The following SELENON variants were observed in gnomAD, a reference collection of about 807,000 sequenced individuals.
SELENON encodes selenoprotein N.
Under a neutral mutation model 59.5 loss-of-function variants are expected in SELENON, and 44 were observed. The observed-to-expected ratio is 0.74, with a 90% CI of 0.58 to 0.95. The LOEUF (loss-of-function observed/expected upper bound fraction) is 0.95. SELENON is among the 40% of genes least tolerant of loss of function. The pLI is 0.00. For synonymous variants in SELENON, 320 were observed against 305.6 expected (o/e 1.05, Z -0.49); for missense variants, 674 against 721.4 (o/e 0.93, Z 0.75).
chr1:25,812,804 G>T lies in SELENON; in HGVS notation c.1387+12G>T. 6.3e-7 allele frequency: 1 copy of T among 1,596,952 alleles called. No individual in the cohort carries two copies. The highest frequency in any genetic ancestry group is 8.6e-7 in the Non-Finnish European group (1 of 1,166,872). ...CCAGTCCTGCTGAGGTGAGGGGCCC[G>T]GCTGGATCTAAGGGGAGCAGTGGGA... On this transcript the variant is annotated intron_variant, in intron 10 of 12. Transcript: ENST00000361547.
chr1:25,815,021 G>C (rs1296204463), intron 12 of SELENON, among the ~76,000 whole-genome samples: 1 of 152,034 alleles, frequency 6.6e-6, no homozygotes, highest in African/African-American at 2.4e-5. Context: ...GGCCTGGTTG[G>C]GAGAACCAGG....
chr1:25,802,890 T>C (rs1295104571), intron 3 of SELENON, among the ~76,000 whole-genome samples: 4 of 152,186 alleles, frequency 2.6e-5, no homozygotes, highest in Non-Finnish European at 4.4e-5. Flanking sequence ...AAGTCAGTCA[T>C]TGATGGGAAA....
chr1:25,806,160 G>T (rs999283086), intron 4 of SELENON, among the ~76,000 whole-genome samples: 2 of 152,230 alleles, frequency 1.3e-5, no homozygotes, highest in Admixed American at 6.5e-5. Context: ...GTGCCAGGCT[G>T]GTCACTGAGG....
Position 25,809,767 on chromosome 1 carries a change from C to T in SELENON, c.957C>T (p.Leu319=), listed in dbSNP as rs377537585. Residue 319 remains leucine (L), a synonymous_variant, in exon 7 of 13, where the codon CTC becomes CTT. Transcript: ENST00000361547. The stretch of plus-strand genomic sequence containing the variant: ...CTCAGTTCACCGGCCACATCATCCT[C>T]TCCAAAGACGCCACCCACGTCCGCG... 3 of 1,614,036 alleles carry T rather than the reference C, an allele frequency of 1.9e-6. No homozygotes were observed. The highest frequency in any genetic ancestry group is 2.5e-6 in the Non-Finnish European group (3 of 1,180,050).
rs184807941 is a variant in SELENON, at chr1:25,815,985, C to A, written c.*267C>A. 4.3e-4 allele frequency: 212 copies of A among 495,444 alleles called. 2 individuals are homozygous for A. The highest frequency in any genetic ancestry group is 3.1e-3 in the African/African-American group (159 of 51,606). The allele number at this position is 495,444 out of a possible 1,614,324, so 30.7% of individuals were successfully genotyped here. On this transcript the variant is annotated 3_prime_UTR_variant, in exon 13 of 13. Transcript: ENST00000361547. Reference sequence around the variant, plus strand: ...CATTTGGCTCTGGAAGCTGCTTGGCCCCCCCAGATCAGGGCCTGGGTGAAC... The same window carrying A: ...CATTTGGCTCTGGAAGCTGCTTGGCACCCCCAGATCAGGGCCTGGGTGAAC...
chr1:25,813,945 G>A lies in SELENON; in HGVS notation c.1452G>A (p.Glu484=). ...CGCCCATCCTCACCCTGCTCAACGA[G>A]AGCTTCATCAGCACCTGGTCCCTGG... Residue 484 remains glutamate (E), a synonymous_variant, in exon 11 of 13, where the codon GAG becomes GAA. Transcript: ENST00000361547. 1 of 1,614,214 alleles carries A rather than the reference G, an allele frequency of 6.2e-7. No homozygotes were observed. The highest frequency in any genetic ancestry group is 8.5e-7 in the Non-Finnish European group (1 of 1,180,042).
chr1:25,816,038 C>G lies in SELENON; in HGVS notation c.*320C>G. Reference sequence around the variant, plus strand: ...CCTGGACCTTTCCTAGCCAGCCGCACAGTCTAGGCCCTTGTGGGGTGAAGA... The same window carrying G: ...CCTGGACCTTTCCTAGCCAGCCGCAGAGTCTAGGCCCTTGTGGGGTGAAGA... On this transcript the variant is annotated 3_prime_UTR_variant, in exon 13 of 13. Coordinates refer to ENST00000361547, the MANE Select transcript of SELENON (RefSeq NM_020451.3). 3.5e-6 allele frequency: 1 copy of G among 285,690 alleles called. No individual in the cohort carries two copies. Among genetic ancestry groups the G allele is most frequent in the South Asian group, 5.4e-5 (1 of 18,534 alleles). 17.7% of individuals were successfully genotyped at this position (285,690 alleles called of 1,614,324 possible). A position where few individuals can be genotyped will look rare whatever the true frequency, so the allele number is the denominator to read the frequency against.
chr1:25,801,208 G>A (rs1480322223), intron 2 of SELENON, 48 bp downstream of exon 2: 1 of 1,443,818 alleles, frequency 6.9e-7, no homozygotes, highest in Non-Finnish European at 9.8e-7. Context: ...TTGGCCAACG[G>A]TGTCTTCACT....
rs756058146 is a variant in SELENON at position 25,809,716 on chromosome 1, C to T, written c.906C>T (p.Pro302=). Reference sequence around the variant, plus strand: ...CCGAGTTCCAGCTCAGTGAGCCGCCCGACTTCCCCTTTTGGTTCTCCCCTG... The same window carrying T: ...CCGAGTTCCAGCTCAGTGAGCCGCCTGACTTCCCCTTTTGGTTCTCCCCTG... The change falls in exon 7 of 13, where the codon CCC becomes CCT. Residue 302 remains proline (P), a synonymous_variant. Transcript: ENST00000361547. 8 of 1,613,996 alleles carry T rather than the reference C, an allele frequency of 5.0e-6. No individual in the cohort carries two copies. The highest frequency in any genetic ancestry group is 1.7e-5 in the Admixed American group (1 of 60,010).
intron 1 of SELENON, 113 bp downstream of exon 1, chr1:25,800,526 G>C (rs2047851939): frequency 2.1e-6 from 1 of 484,826 alleles, no homozygotes; most frequent in Non-Finnish European, 2.8e-6. Flanking sequence ...GAGGGCGGAG[G>C]GGGACTGGAC....
intron 3 of SELENON, chr1:25,802,147 C>G (rs372715411): frequency 4.5e-6 from 1 of 223,568 alleles, no homozygotes; most frequent in African/African-American, 2.4e-5. Flanking sequence ...TGTGCTACCA[C>G]GCCCAGCTGA....
rs923567822 is a variant in SELENON at position 25,800,485 on chromosome 1, G to A, written c.183+72G>A. ...AAGGACCCAGCCTCGGCAGCAGGGG[G>A]GACATGGGCATGGACGAGTCGGGGG... On this transcript the variant is annotated intron_variant, in intron 1 of 12. Transcript: ENST00000361547. 244 of 889,256 alleles carry A rather than the reference G, an allele frequency of 2.7e-4. 1 individual carries two copies. The highest frequency in any genetic ancestry group is 2.9e-4 in the Non-Finnish European group (204 of 710,528). The allele number at this position is 889,256 out of a possible 1,614,324, so 55.1% of individuals were successfully genotyped here. A position where few individuals can be genotyped will look rare whatever the true frequency, so the allele number is the denominator to read the frequency against.
Position 25,800,232 on chromosome 1 carries a change from TGGGCCGGGCCCGGCCGGGCCAACGC to T in SELENON, c.9_33del (p.Ala4_?11), listed in dbSNP as rs886041619. 3.1e-5 allele frequency: 24 copies of T among 772,332 alleles called. No individual in the cohort carries two copies. The highest frequency in any genetic ancestry group is 3.6e-5 in the Non-Finnish European group (23 of 639,376). The allele number at this position is 772,332 out of a possible 1,614,324, so 47.8% of individuals were successfully genotyped here. A position where few individuals can be genotyped will look rare whatever the true frequency, so the allele number is the denominator to read the frequency against. ...CGGCAGCCGCCGCCAGCCGCAGCCA[TGGGCCGGGCCCGGCCGGGCCAACGC>T]GGGCCGCCCAGCCCCGGCCCCGCCG... On this transcript the variant is annotated frameshift_variant and start_lost, in exon 1 of 13. Transcript: ENST00000361547. LOFTEE classifies it high-confidence loss of function.
chr1:25,804,997 C>A (rs187281410), intron 3 of SELENON, 145 bp from the exon 3 acceptor site: 1 of 964,766 alleles, frequency 1.0e-6, no homozygotes, highest in Non-Finnish European at 1.6e-6. Context: ...ATGCGATACA[C>A]TGGTTGTTAC....
In SELENON at chr1:25,816,922, T is replaced by G. The variant is rs1217061128; in HGVS notation, c.*1204T>G. On this transcript the variant is annotated 3_prime_UTR_variant, in exon 13 of 13. Transcript: ENST00000361547. ...TCCTCTCTTCCTTCTCCTCTTCAGCTTTTTAAAAACAGTCCTCAGAGGATC... is the reference window on the plus strand; with the variant it reads ...TCCTCTCTTCCTTCTCCTCTTCAGCGTTTTAAAAACAGTCCTCAGAGGATC... 6.6e-6 allele frequency: 1 copy of G among 152,416 alleles called. No individual in the cohort carries two copies. The highest frequency in any genetic ancestry group is 1.5e-5 in the Non-Finnish European group (1 of 68,064). 9.4% of individuals were successfully genotyped at this position (152,416 alleles called of 1,614,324 possible). A position where few individuals can be genotyped will look rare whatever the true frequency, so the allele number is the denominator to read the frequency against.
chr1:25,800,576 G>C (rs1489046335), intron 1 of SELENON, among the ~76,000 whole-genome samples, 163 bp downstream of exon 1: 1 of 151,396 alleles, frequency 6.6e-6, no homozygotes, highest in East Asian at 1.9e-4. Context: ...GGAGGCGGGT[G>C]GGGGGTGCCT....
At chr1:25,806,544 T>A (rs2047908832) in intron 4 of SELENON, among the ~76,000 whole-genome samples, 1 of 152,046 alleles carries the variant, frequency 6.6e-6, no homozygotes, top group Non-Finnish European at 1.5e-5. Flanking sequence ...GGCTTCTGGC[T>A]GTGACCAGGG....
chr1:25,811,356 A>G, intron 7 of SELENON, 98 bp from the exon 7 acceptor site: 1 of 1,090,154 alleles, frequency 9.2e-7, no homozygotes, highest in Non-Finnish European at 1.4e-6. Flanking sequence ...CAGTGTCCTC[A>G]TCTGGAAAGT....
chr1:25,811,664 T>G (rs773707226), intron 8 of SELENON, 27 bp from the exon 8 acceptor site: 1 of 1,610,662 alleles, frequency 6.2e-7, no homozygotes, highest in South Asian at 1.1e-5. Context: ...CTCTGAGCCT[T>G]CCCCCTACCA....
Sources: allele counts gnomAD v4.1 joint callset (sites outside exome capture counted in the v4.1 genomes callset), GRCh38; gene constraint gnomAD v4.1.1; transcripts MANE v1.5; gene names NCBI Gene and HGNC (gene_info 2026-07-23, HGNC 2026-07-21).